The following SYNE2 variants were observed in gnomAD, a reference collection of about 807,000 sequenced individuals.
SYNE2 encodes nesprin-2.
In SYNE2, 431 loss-of-function variants were observed where a neutral mutation model predicts 856.3. That is an observed-to-expected ratio of 0.50 (90% CI 0.47 to 0.55). The LOEUF (loss-of-function observed/expected upper bound fraction) is 0.55, where lower values mean the gene tolerates loss of function less well. Ranked by LOEUF, SYNE2 falls within the 20% of genes least tolerant of loss-of-function variation. The pLI, the probability that SYNE2 is intolerant of heterozygous loss-of-function variation, is 0.00. For synonymous variants in SYNE2, 2,923 were observed against 2,872.3 expected (o/e 1.02, Z -0.56); for missense variants, 8,129 against 8,023.2 (o/e 1.01, Z -0.50).
chr14:63,781,440 C>A (rs975119179), intron 1 of SYNE2, among the ~76,000 whole-genome samples: 1 of 151,528 alleles, frequency 6.6e-6, no homozygotes, highest in Non-Finnish European at 1.5e-5. Flanking sequence ...TCTAGGTTTG[C>A]GCAAATAAAT....
In SYNE2 at chr14:64,170,266, G is replaced by A. The variant is rs554186246; in HGVS notation, c.17039G>A (p.Arg5680Gln). The A allele has an allele frequency of 6.3e-5, 101 of 1,614,054 alleles. No homozygotes were observed. In the South Asian group the frequency reaches 9.7e-4, roughly 15 times the overall value. Residue 5680 changes from arginine (R) to glutamine (Q), a missense_variant, in exon 94 of 116, where the codon CGG becomes CAG. Coordinates refer to ENST00000555002, the MANE Select transcript of SYNE2 (RefSeq NM_182914.3). ...FITEFSKLTD[R>Q]WQNAVQGVRQ... ...ACAGAATTCTCAAAGCTGACGGATC[G>A]GTGGCAGAATGCTGTCCAGGGTGTT... is the stretch of plus-strand genomic sequence containing the variant.
chr14:64,018,769 T>C (rs2096914311), intron 34 of SYNE2, among the ~76,000 whole-genome samples: 1 of 152,240 alleles, frequency 6.6e-6, no homozygotes, highest in Non-Finnish European at 1.5e-5. Context: ...GACGGCCTTC[T>C]TCATATTTGA....
At chr14:63,891,129 A>G (rs2095120269) in intron 1 of SYNE2, among the ~76,000 whole-genome samples, 1 of 152,224 alleles carries the variant, frequency 6.6e-6, no homozygotes, top group South Asian at 2.1e-4. Context: ...TTAAGCAAGA[A>G]GCTCAGCAAT....
At chr14:64,085,135 C>A in intron 57 of SYNE2, 1 of 626,280 alleles carries the variant, frequency 1.6e-6, no homozygotes, top group Non-Finnish European at 2.9e-6. Context: ...TGCAGTGGCA[C>A]AATGTCGGCT....
intron 45 of SYNE2, among the ~76,000 whole-genome samples, chr14:64,031,930 C>T (rs1290994597): frequency 6.6e-6 from 1 of 152,136 alleles, no homozygotes; most frequent in Non-Finnish European, 1.5e-5. Context: ...TCTTAAAGTG[C>T]GTTTTCATAG....
At chr14:63,999,556 A>C (rs1366484296) in intron 27 of SYNE2, among the ~76,000 whole-genome samples, 1 of 152,206 alleles carries the variant, frequency 6.6e-6, no homozygotes, top group African/African-American at 2.4e-5. Context: ...TAAATGATGG[A>C]TTCTCCTCCT....
chr14:63,989,540 G>A (rs994137538), intron 19 of SYNE2, among the ~76,000 whole-genome samples: 1 of 152,124 alleles, frequency 6.6e-6, no homozygotes, highest in Non-Finnish European at 1.5e-5. Context: ...GTTTCACCAT[G>A]TTGGCCAGGC....
At chr14:63,867,105 G>T (rs1895566647) in intron 1 of SYNE2, among the ~76,000 whole-genome samples, 1 of 152,118 alleles carries the variant, frequency 6.6e-6, no homozygotes, top group South Asian at 2.1e-4. Context: ...TAAATAACTT[G>T]TCCAAACCAT....
chr14:63,906,654 C>A (rs557655708), intron 1 of SYNE2, among the ~76,000 whole-genome samples: 1 of 152,168 alleles, frequency 6.6e-6, no homozygotes, highest in South Asian at 2.1e-4. Context: ...ATATCTTTGT[C>A]ATTTCTGATT....
intron 48 of SYNE2, among the ~76,000 whole-genome samples, chr14:64,053,871 A>AG (rs1429906093): frequency 6.6e-6 from 1 of 152,190 alleles, no homozygotes; most frequent in African/African-American, 2.4e-5. Flanking sequence ...CAGGAGGCTG[A>AG]GGTACAAGAA....
At chr14:63,926,256 A>C (rs1163124069) in intron 2 of SYNE2, among the ~76,000 whole-genome samples, 1 of 127,692 alleles carries the variant, frequency 7.8e-6, no homozygotes, top group African/African-American at 3.0e-5. Flanking sequence ...AGCCCTAGGC[A>C]ATCAATTAAT....
chr14:64,214,647 C>G lies in SYNE2; in HGVS notation c.19333+177C>G. 1.2e-5 allele frequency: 8 copies of G among 643,476 alleles called. No homozygotes were observed. The South Asian group carries it at 1.5e-4, about 12-fold the overall frequency. The allele number at this position is 643,476 out of a possible 1,614,324, so 39.9% of individuals were successfully genotyped here. A position where few individuals can be genotyped will look rare whatever the true frequency, so the allele number is the denominator to read the frequency against. ...TAACTTACCTGAGAATTGGCTCACTCTCATCACAGGTGGAATGAAAGGGGG... is the reference window on the plus strand; with the variant it reads ...TAACTTACCTGAGAATTGGCTCACTGTCATCACAGGTGGAATGAAAGGGGG... On this transcript the variant is annotated intron_variant, in intron 106 of 115. Transcript: ENST00000555002.
intron 51 of SYNE2, among the ~76,000 whole-genome samples, chr14:64,067,443 A>G (rs192866246): frequency 1.0e-3 from 159 of 152,302 alleles, no homozygotes; most frequent in Admixed American, 8.0e-3. Context: ...AACTTACATG[A>G]TATTTACATA....
In SYNE2 at chr14:63,976,770, G is replaced by C. The variant is rs750023958; in HGVS notation, c.1293+43G>C. On this transcript the variant is annotated intron_variant, in intron 12 of 115. Coordinates refer to ENST00000555002, the MANE Select transcript of SYNE2 (RefSeq NM_182914.3). Reference sequence around the variant, plus strand: ...AGAGATGTAGGAAAATACATATTTTGTTAGGGATTGTTCTTGAGGAAGACT... The same window carrying C: ...AGAGATGTAGGAAAATACATATTTTCTTAGGGATTGTTCTTGAGGAAGACT... The C allele has an allele frequency of 5.7e-6, 9 of 1,584,014 alleles. No homozygotes were observed. The East Asian group carries it at 1.8e-4, about 31-fold the overall frequency.
Position 64,093,394 on chromosome 14 carries a change from T to C in SYNE2, c.12022T>C (p.Leu4008=), listed in dbSNP as rs918995590. 5.6e-6 allele frequency: 9 copies of C among 1,614,122 alleles called. No homozygotes were observed. The highest frequency in any genetic ancestry group is 2.2e-5 in the South Asian group (2 of 91,086). ...TGAATGGGATGAAGAAATAGAAAAT[T>C]TGAAACAGATCTTAAATAATTATTC... ...TNEWDEEIEN[L]KQILNNYSAQ... is the part of the protein sequence containing the mutation. Residue 4008 remains leucine (L), a synonymous_variant, in exon 61 of 116, where the codon TTG becomes CTG. Coordinates refer to ENST00000555002, the MANE Select transcript of SYNE2 (RefSeq NM_182914.3).
At chr14:64,186,671 G>C in intron 97 of SYNE2, 92 bp downstream of exon 97, 1 of 1,567,794 alleles carries the variant, frequency 6.4e-7, no homozygotes, top group South Asian at 1.1e-5. Flanking sequence ...TAATTTCATT[G>C]AACCGGAGGC....
intron 94 of SYNE2, among the ~76,000 whole-genome samples, chr14:64,173,249 C>T (rs1029609405): frequency 1.3e-5 from 2 of 152,150 alleles, no homozygotes; most frequent in East Asian, 1.9e-4. Flanking sequence ...AGATGAAGGA[C>T]GACTCTGGGT....
chr14:64,102,732 A>C (rs186384003), intron 64 of SYNE2, among the ~76,000 whole-genome samples: 1 of 152,056 alleles, frequency 6.6e-6, no homozygotes, highest in East Asian at 1.9e-4. Context: ...CATGTTATAC[A>C]TAGATTCTCT....
intron 35 of SYNE2, among the ~76,000 whole-genome samples, chr14:64,020,945 C>T (rs1009000504): frequency 2.0e-5 from 3 of 152,116 alleles, no homozygotes; most frequent in African/African-American, 7.2e-5. Flanking sequence ...ATGCTGTGTA[C>T]ATCATAAATA....
Sources: gnomAD v4.1 joint callset for allele counts (sites outside exome capture counted in the v4.1 genomes callset) on GRCh38, gnomAD v4.1.1 for gene constraint, MANE v1.5 for transcripts, NCBI Gene and HGNC (gene_info 2026-07-23, HGNC 2026-07-21) for gene names.